Variants in MICALL2 observed in about 807,000 individuals in gnomAD.
The protein encoded by MICALL2 is MICAL like 2.
In MICALL2, 111 loss-of-function variants were observed where a neutral mutation model predicts 91.1. The observed-to-expected ratio is 1.22, with a 90% confidence interval of 1.04 to 1.43. The LOEUF is 1.43. Among genes scored for constraint, MICALL2 ranks in the 40% most tolerant of loss-of-function variants. The pLI is 0.00. For missense variants in MICALL2, 1,556 were observed against 1,236.0 expected (o/e 1.26, Z -3.88); for synonymous variants, 694 against 525.3 (o/e 1.32, Z -4.39).
In MICALL2 at chr7:1,438,197, C is replaced by T. The variant is rs529462236; in HGVS notation, c.2211G>A (p.Pro737=). The T allele has an allele frequency of 3.0e-5, 48 of 1,581,412 alleles. No homozygotes were observed. Among genetic ancestry groups the T allele is most frequent in the East Asian group, 2.5e-4 (11 of 43,420 alleles). Residue 737 remains proline (P), a synonymous_variant, in exon 12 of 17, where the codon CCG becomes CCA. Transcript: ENST00000297508. The part of the protein sequence containing the change: ...PVRLHPDYLS[P]EEIQRQLQDI... The stretch of plus-strand genomic sequence containing the variant: ...CCTGCAGCTGCCTCTGTATCTCCTC[C>T]GGGGAGAGGTAGTCGGGGTGCAGCT...
intron 8 of MICALL2, 86 bp downstream of exon 8, chr7:1,440,505 G>T: frequency 8.4e-7 from 1 of 1,197,590 alleles, no homozygotes; most frequent in Non-Finnish European, 1.2e-6. Flanking sequence ...CTGGATAGGC[G>T]TGTCAATCGG....
At chr7:1,438,586 C>T in intron 10 of MICALL2, 1 of 1,421,714 alleles carries the variant, frequency 7.0e-7, no homozygotes, top group Non-Finnish European at 9.2e-7. Flanking sequence ...AACACCCCAG[C>T]CACCCCAGTC....
At chr7:1,453,924 C>T (rs1320005334) in intron 1 of MICALL2, among the ~76,000 whole-genome samples, 1 of 152,162 alleles carries the variant, frequency 6.6e-6, no homozygotes, top group African/African-American at 2.4e-5. Flanking sequence ...AATGAATTTG[C>T]CGTCTGTGTG....
rs766085386 is a variant in MICALL2, at chr7:1,438,112, G to A, written c.2296C>T (p.Arg766Trp). 2.9e-5 allele frequency: 45 copies of A among 1,564,180 alleles called. No homozygotes were observed. Among genetic ancestry groups the A allele is most frequent in the Admixed American group, 3.8e-5 (2 of 52,644 alleles). Residue 766 changes from arginine to tryptophan, a missense_variant, in exon 12 of 17, where the codon CGG becomes TGG. By Grantham distance (101) the Arg-to-Trp change is moderately radical (BLOSUM62 -3). Transcript: ENST00000297508. ...AGGCGCTCACCTCCCTCGGCCGCCC[G>A]CAGTCGCTTCTCCAGCTCCACGCCG... ...LRGVELEKRL[R>W]AAEGDDAEDS...
rs1273280848 is a variant in MICALL2, at chr7:1,452,568, A to T, written c.144-2280T>A. 2.0e-5 allele frequency among the ~76,000 whole-genome samples: 3 copies of T among 152,156 alleles called. No individual in the cohort carries two copies. The highest frequency in any genetic ancestry group is 7.2e-5 in the African/African-American group (3 of 41,446). On this transcript the variant is annotated intron_variant, in intron 1 of 16. Transcript: ENST00000297508. The surrounding 1 kb of genome is among the most constrained non-coding windows in gnomAD (Gnocchi z 6.2). The stretch of plus-strand genomic sequence containing the variant: ...TCACAAGTCTGTTTTTTCTCTAAAC[A>T]AGCAGGAGGAGGAGGCTGTCTGCCT...
At chr7:1,445,765 C>T (rs1293780851) in intron 5 of MICALL2, among the ~76,000 whole-genome samples, 3 of 152,208 alleles carry the variant, frequency 2.0e-5, no homozygotes, top group Non-Finnish European at 1.5e-5. Flanking sequence ...ACCCCAGGCC[C>T]CACCTCGGGG....
At position 1,446,826 on chromosome 7, in the gene MICALL2, G is replaced by C; in HGVS notation, c.528C>G (p.Asp176Glu). ...TGACCAAGCTGCCCGCCAATGCCTG[G>C]TCCTGGGGAAGATGCCAGCACCTCT... Reference protein sequence around the residue: ...EGAGGPPPKTDQALAGSLVSS... With the variant: ...EGAGGPPPKTEQALAGSLVSS... Residue 176 changes from aspartate to glutamate, a missense_variant and splice_region_variant, in exon 5 of 17, where the codon GAC (aspartate) becomes GAG (glutamate). Coordinates refer to ENST00000297508, the MANE Select transcript of MICALL2 (RefSeq NM_182924.4). The C allele has an allele frequency of 1.9e-6, 3 of 1,583,680 alleles. No homozygotes were observed. Among genetic ancestry groups the C allele is most frequent in the Non-Finnish European group, 2.6e-6 (3 of 1,164,516 alleles).
chr7:1,453,512 G>T (rs1160999901), intron 1 of MICALL2, among the ~76,000 whole-genome samples: 2 of 152,164 alleles, frequency 1.3e-5, no homozygotes, highest in Admixed American at 6.5e-5. Context: ...TTCCGTTGTT[G>T]AAACCGCCCG....
rs546846164 is a variant in MICALL2, at chr7:1,451,714, G to A, written c.144-1426C>T. Among the ~76,000 whole-genome samples, 1 of 152,328 alleles carries A rather than the reference G, an allele frequency of 6.6e-6. No homozygotes were observed. The highest frequency in any genetic ancestry group is 1.5e-5 in the Non-Finnish European group (1 of 68,028). ...TCGGTCTCAGGGCCTCAGTCTCCCT[G>A]TCTGGGAGGACAACCGCAGCTCCTG... On this transcript the variant is annotated intron_variant, in intron 1 of 16. Transcript: ENST00000297508. This position sits in a 1 kb window ranked among gnomAD's most constrained non-coding sequence, Gnocchi z 4.5.
At chr7:1,454,816 TG>T (rs1236671777) in intron 1 of MICALL2, among the ~76,000 whole-genome samples, 1 of 152,024 alleles carries the variant, frequency 6.6e-6, no homozygotes, top group Non-Finnish European at 1.5e-5. Context: ...CCAACAATAG[TG>T]GTGTCTCGGG....
At chr7:1,434,981 A>AGCCCCCCCCC in intron 16 of MICALL2, 120 bp downstream of exon 16, 1 of 372,300 alleles carries the variant, frequency 2.7e-6, no homozygotes, top group Non-Finnish European at 4.9e-6. Flanking sequence ...GGGACCCGAT[A>AGCCCCCCCCC]CCCGCCCCCC....
Position 1,448,776 on chromosome 7 carries a change from A to AGAG in MICALL2, c.193-16_193-15insCTC. ...ACGCGGAAGGCCTGCGAAAGGTGGG[A>AGAG]GGGGGTCAGCGGGGCAGCTGGGAGC... On this transcript the variant is annotated splice_polypyrimidine_tract_variant and intron_variant, in intron 2 of 16. Transcript: ENST00000297508. 1 of 1,611,796 alleles carries AGAG rather than the reference A, an allele frequency of 6.2e-7. No homozygotes were observed. Among genetic ancestry groups the AGAG allele is most frequent in the Middle Eastern group, 1.7e-4 (1 of 6,010 alleles).
At chr7:1,453,055 A>G (rs1348222035) in intron 1 of MICALL2, among the ~76,000 whole-genome samples, 1 of 150,726 alleles carries the variant, frequency 6.6e-6, no homozygotes, top group Non-Finnish European at 1.5e-5. Flanking sequence ...AGCTGAGCTC[A>G]GGGGCCCGAT....
rs202115265 is a variant in MICALL2 at position 1,447,658 on chromosome 7, G to A, written c.442C>T (p.Arg148Trp). 75 of 1,588,452 alleles carry A rather than the reference G, an allele frequency of 4.7e-5. No homozygotes were observed. The South Asian group carries it at 5.6e-4, about 12-fold the overall frequency. The part of the protein sequence containing the change: ...AAKLPSPAPA[R>W]KPPLSPAQTN... Reference sequence around the variant, plus strand: ...TGGGCTGGAGATAGTGGAGGCTTCCGGGCTGGGGCGGGCGAGGGCAGCTTG... The same window carrying A: ...TGGGCTGGAGATAGTGGAGGCTTCCAGGCTGGGGCGGGCGAGGGCAGCTTG... Residue 148 changes from arginine to tryptophan, a missense_variant, in exon 4 of 17, where the codon CGG becomes TGG. By Grantham distance (101) the Arg-to-Trp change is moderately radical. Transcript: ENST00000297508.
chr7:1,437,523 C>T lies in MICALL2; in HGVS notation c.2476+12G>A, dbSNP rs902435445. Reference sequence around the variant, plus strand: ...TGGCTGGGGCCCCTTGGCTGGCGCGCGGGGGACGCACCGGGCTTGGCCATG... The same window carrying T: ...TGGCTGGGGCCCCTTGGCTGGCGCGTGGGGGACGCACCGGGCTTGGCCATG... On this transcript the variant is annotated intron_variant, in intron 14 of 16. Coordinates refer to ENST00000297508, the MANE Select transcript of MICALL2 (RefSeq NM_182924.4). 1.7e-5 allele frequency: 26 copies of T among 1,514,548 alleles called. No individual in the cohort carries two copies. Among genetic ancestry groups the T allele is most frequent in the Middle Eastern group, 2.1e-4 (1 of 4,674 alleles). The allele number at this position is 1,514,548 out of a possible 1,614,324, so 93.8% of individuals were successfully genotyped here.
chr7:1,459,308 G>C lies in MICALL2; in HGVS notation c.19C>G (p.Leu7Val). 1 of 1,565,900 alleles carries C rather than the reference G, an allele frequency of 6.4e-7. No individual in the cohort carries two copies. The highest frequency in any genetic ancestry group is 8.6e-7 in the Non-Finnish European group (1 of 1,159,004). Residue 7 changes from leucine (L) to valine (V), a missense_variant, in exon 1 of 17, where the codon CTG becomes GTG. Physicochemically the swap from Leu to Val is conservative, Grantham distance 32. Transcript: ENST00000297508. The stretch of plus-strand genomic sequence containing the variant: ...CACTGCTGCCGGCACCACTGTTGCA[G>C]CGCCCTGATGGCCGCCATGTGGGCG... MAAIRA[L>V]QQWCRQQCEG...
chr7:1,444,601 G>A (rs1278286074), intron 6 of MICALL2, 51 bp downstream of exon 6: 4 of 1,558,768 alleles, frequency 2.6e-6, no homozygotes, highest in South Asian at 1.2e-5. Flanking sequence ...GGGCCCCGCT[G>A]GCTGGTGCAA....
chr7:1,448,334 AC>A (rs1268305116), intron 3 of MICALL2, among the ~76,000 whole-genome samples: 1 of 152,222 alleles, frequency 6.6e-6, no homozygotes, highest in Non-Finnish European at 1.5e-5. Context: ...TGCACCTGGC[AC>A]CTTGGGGAAG....
Position 1,436,768 on chromosome 7 carries a change from C to T in MICALL2, c.2565G>A (p.Val855=). ...VSTVNDRSDI[V]DSLDEDRLRE... is the part of the protein sequence containing the mutation. ...GGAGCCGGTCCTCGTCCAGCGAGTC[C>T]ACGATGTCACTGCGGTCGTTCACGG... is the stretch of plus-strand genomic sequence containing the variant. Residue 855 remains valine (V), a synonymous_variant, in exon 15 of 17, where the codon GTG becomes GTA. Coordinates refer to ENST00000297508, the MANE Select transcript of MICALL2 (RefSeq NM_182924.4). 6.2e-7 allele frequency: 1 copy of T among 1,608,368 alleles called. No homozygotes were observed. The highest frequency in any genetic ancestry group is 2.2e-5 in the East Asian group (1 of 44,460).
Sources: gnomAD v4.1 joint callset for allele counts (sites outside exome capture counted in the v4.1 genomes callset) on GRCh38, gnomAD v4.1.1 for gene constraint, Gnocchi (gnomAD v3.1) non-coding constraint, MANE v1.5 for transcripts, NCBI Gene and HGNC (gene_info 2026-07-23, HGNC 2026-07-21) for gene names.